The following TSPEAR variants were observed in gnomAD, a reference collection of about 807,000 sequenced individuals.
TSPEAR encodes the protein thrombospondin type laminin G domain and EAR repeats.
In TSPEAR, 69 loss-of-function variants were observed where a neutral mutation model predicts 71.6. The observed-to-expected ratio is 0.96, with a 90% CI of 0.79 to 1.18. TSPEAR has a LOEUF of 1.18. TSPEAR is among the 50% of genes most tolerant of loss of function. The pLI is 0.00. For synonymous variants in TSPEAR, 402 were observed against 387.2 expected (o/e 1.04, Z -0.45); for missense variants, 971 against 894.9 (o/e 1.09, Z -1.09).
intron 1 of TSPEAR, among the ~76,000 whole-genome samples, chr21:44,708,987 C>T (rs563962155): frequency 2.0e-4 from 30 of 152,326 alleles, no homozygotes; most frequent in African/African-American, 6.0e-4. Context: ...CAGGGTCCCG[C>T]GTGACCGGTC....
chr21:44,607,671 T>C (rs1981400577), intron 1 of TSPEAR, among the ~76,000 whole-genome samples: 1 of 152,222 alleles, frequency 6.6e-6, no homozygotes, highest in Admixed American at 6.5e-5. Context: ...CACACATCCA[T>C]AAACATGACT....
At chr21:44,517,777 G>C (rs1555913654) in intron 9 of TSPEAR, 1 of 471,092 alleles carries the variant, frequency 2.1e-6, no homozygotes, top group African/African-American at 2.0e-5. Context: ...CCTACCTCCT[G>C]ATATCCAGGG....
intron 1 of TSPEAR, chr21:44,579,753 A>C: frequency 1.2e-6 from 2 of 1,607,316 alleles, no homozygotes; most frequent in Non-Finnish European, 1.7e-6. Flanking sequence ...TCCTGGCCTG[A>C]GCAGAGGCCT....
chr21:44,586,647 C>T (rs1427749082), intron 1 of TSPEAR, among the ~76,000 whole-genome samples: 1 of 150,058 alleles, frequency 6.7e-6, no homozygotes, highest in Non-Finnish European at 1.5e-5. Flanking sequence ...CAGCCTCAGG[C>T]ACCTACTCAT....
At chr21:44,627,780 T>C in intron 1 of TSPEAR, 4 of 1,600,280 alleles carry the variant, frequency 2.5e-6, no homozygotes, top group Non-Finnish European at 3.4e-6. Flanking sequence ...CTGTCTGCTC[T>C]GGGGCTTCCT....
intron 1 of TSPEAR, among the ~76,000 whole-genome samples, chr21:44,673,923 G>A (rs1986176612): frequency 6.6e-6 from 1 of 151,408 alleles, no homozygotes; most frequent in East Asian, 1.9e-4. Flanking sequence ...AATAAAAAGG[G>A]AAACACGACA....
chr21:44,658,796 C>CA, intron 1 of TSPEAR, among the ~76,000 whole-genome samples: 1 of 152,158 alleles, frequency 6.6e-6, no homozygotes, highest in Non-Finnish European at 1.5e-5. Context: ...TTTATGTTAC[C>CA]CAGATGCCTG....
chr21:44,704,426 C>T (rs1555951989), intron 1 of TSPEAR, among the ~76,000 whole-genome samples: 1 of 152,206 alleles, frequency 6.6e-6, no homozygotes, highest in Non-Finnish European at 1.5e-5. Context: ...CCCCAGGGAA[C>T]CCAAACCGTG....
At chr21:44,558,131 C>T (rs2053566732) in intron 2 of TSPEAR, 2 of 1,612,960 alleles carry the variant, frequency 1.2e-6, no homozygotes, top group Admixed American at 1.7e-5. Flanking sequence ...AGAGGAGGGA[C>T]ACGCAGGAGG....
chr21:44,507,835 C>T lies in TSPEAR; in HGVS notation c.1754+1364G>A, dbSNP rs587737506. 3.7e-3 allele frequency among the ~76,000 whole-genome samples: 558 copies of T among 152,376 alleles called. 6 individuals carry two copies. Among genetic ancestry groups the T allele is most frequent in the African/African-American group, 0.012 (501 of 41,584 alleles). On this transcript the variant is annotated intron_variant, in intron 10 of 11. Coordinates refer to ENST00000323084, the MANE Select transcript of TSPEAR (RefSeq NM_144991.3). ...GCTGGGGACACACAACTGCCACCGC[C>T]GCCCCGTGCCTGTTTCTCCTGCCAT...
chr21:44,528,358 T>A, intron 6 of TSPEAR, 94 bp downstream of exon 6: 1 of 1,537,424 alleles, frequency 6.5e-7, no homozygotes, highest in Non-Finnish European at 8.9e-7. Flanking sequence ...CATTCAGAGG[T>A]GGCTGAGGTG....
intron 2 of TSPEAR, chr21:44,539,372 G>A (rs2053159133): frequency 1.9e-6 from 3 of 1,612,832 alleles, no homozygotes; most frequent in Admixed American, 3.3e-5. Flanking sequence ...GCAGCAGCTG[G>A]CCTGGCAGGA....
intron 9 of TSPEAR, chr21:44,517,979 A>C: frequency 2.5e-6 from 1 of 400,878 alleles, no homozygotes; most frequent in South Asian, 1.9e-5. Flanking sequence ...GGTTAGCCAG[A>C]TACAGACTCT....
intron 2 of TSPEAR, among the ~76,000 whole-genome samples, chr21:44,562,948 T>C (rs1291596751): frequency 1.3e-5 from 2 of 152,206 alleles, no homozygotes; most frequent in Non-Finnish European, 2.9e-5. Flanking sequence ...AAACTAATTA[T>C]GTAATTATAA....
At chr21:44,604,124 C>G (rs148779608) in intron 1 of TSPEAR, among the ~76,000 whole-genome samples, 245 of 152,304 alleles carry the variant, frequency 1.6e-3, no homozygotes, top group African/African-American at 5.8e-3. Flanking sequence ...CCTGCTGCCT[C>G]TCTTCCTTGC....
rs782347754 is a variant in TSPEAR, at chr21:44,676,900, T to C, written c.82+34533A>G. 6.1e-4 allele frequency: 538 copies of C among 879,742 alleles called. 1 individual carries two copies. Among genetic ancestry groups the C allele is most frequent in the Non-Finnish European group, 7.0e-4 (360 of 511,276 alleles). 54.5% of individuals were successfully genotyped at this position (879,742 alleles called of 1,614,324 possible). A position where few individuals can be genotyped will look rare whatever the true frequency, so the allele number is the denominator to read the frequency against. ...CTGTTCTGCTAGCTCTCTGTTCAGC[T>C]GATCGATGTGACGATGTGCACGGGC... On this transcript the variant is annotated intron_variant, in intron 1 of 11. Transcript: ENST00000323084.
chr21:44,689,739 A>ATTTTTT (rs1420649057), intron 1 of TSPEAR, among the ~76,000 whole-genome samples: 1 of 128,172 alleles, frequency 7.8e-6, no homozygotes, highest in African/African-American at 3.2e-5. Flanking sequence ...ATATATATAT[A>ATTTTTT]TTTTGGGGGG....
rs1356221953 is a variant in TSPEAR at position 44,499,297 on chromosome 21, G to T, written c.*486C>A. 1 of 153,168 alleles carries T rather than the reference G, an allele frequency of 6.5e-6. No individual in the cohort carries two copies. The highest frequency in any genetic ancestry group is 1.5e-5 in the Non-Finnish European group (1 of 68,460). 9.5% of individuals were successfully genotyped at this position (153,168 alleles called of 1,614,324 possible). ...CACCCGCTGCCTAGAGAGGAGCACCGGTGCTTTTGTAAAGAGCAGTATAAA... is the reference window on the plus strand; with the variant it reads ...CACCCGCTGCCTAGAGAGGAGCACCTGTGCTTTTGTAAAGAGCAGTATAAA... On this transcript the variant is annotated 3_prime_UTR_variant, in exon 12 of 12. Coordinates refer to ENST00000323084, the MANE Select transcript of TSPEAR (RefSeq NM_144991.3).
At chr21:44,618,007 A>C (rs1424481069) in intron 1 of TSPEAR, among the ~76,000 whole-genome samples, 1 of 152,240 alleles carries the variant, frequency 6.6e-6, no homozygotes, top group Non-Finnish European at 1.5e-5. Flanking sequence ...ATGACAGAGG[A>C]AATGGTGGAG....
Sources: allele counts gnomAD v4.1 joint callset (sites outside exome capture counted in the v4.1 genomes callset), GRCh38; gene constraint gnomAD v4.1.1; transcripts MANE v1.5; gene names NCBI Gene and HGNC (gene_info 2026-07-23, HGNC 2026-07-21).